The following MYO18B variants were observed in gnomAD, a reference collection of about 807,000 sequenced individuals.
MYO18B encodes myosin XVIIIB, also known as unconventional myosin-XVIIIb.
Under a neutral mutation model 273.0 loss-of-function variants are expected in MYO18B, and 204 were observed. The ratio of observed to expected loss-of-function variants is 0.75; its 90% CI spans 0.67 to 0.84. The LOEUF is 0.84. Ranked by LOEUF, MYO18B falls within the 40% of genes least tolerant of loss-of-function variation. The pLI, the probability that MYO18B is intolerant of heterozygous loss-of-function variation, is 0.00. For synonymous variants in MYO18B, 1,330 were observed against 1,305.7 expected (o/e 1.02, Z -0.40); for missense variants, 3,212 against 3,287.6 (o/e 0.98, Z 0.56).
In MYO18B at chr22:26,026,822, C is replaced by T. The variant is rs374097014; in HGVS notation, c.6848C>T (p.Thr2283Met). 1.4e-5 allele frequency: 23 copies of T among 1,592,298 alleles called. No homozygotes were observed. The highest frequency in any genetic ancestry group is 6.8e-5 in the African/African-American group (5 of 73,982). Residue 2283 changes from threonine (T) to methionine (M), a missense_variant, in exon 43 of 44, where the codon ACG becomes ATG. By Grantham distance (81) the Thr-to-Met change is moderately conservative (BLOSUM62 -1). Coordinates refer to ENST00000335473, the MANE Select transcript of MYO18B (RefSeq NM_032608.7). ...TGGCCCACTCTCCCCATTTACCAGACGACTGGGGCCTCCACACTAAGGAGG... is the reference window on the plus strand; with the variant it reads ...TGGCCCACTCTCCCCATTTACCAGATGACTGGGGCCTCCACACTAAGGAGG... ...EDWPTLPIYQ[T>M]TGASTLRRGR...
chr22:26,053,050 AC>A, the MYO18B span, among the ~76,000 whole-genome samples: 2 of 151,200 alleles, frequency 1.3e-5, no homozygotes, highest in Non-Finnish European at 3.0e-5. Context: ...CTCGTGATCC[AC>A]CCGCCTCGAA....
Position 26,026,466 on chromosome 22 carries a change from C to T in MYO18B, c.6492C>T (p.Asp2164=), listed in dbSNP as rs200512148. The T allele has an allele frequency of 1.2e-6, 2 of 1,612,682 alleles. No homozygotes were observed. Among genetic ancestry groups the T allele is most frequent in the Non-Finnish European group, 1.7e-6 (2 of 1,178,946 alleles). ...ACAGGATAAACGAAGAGGCTGGGGA[C>T]ACTGAGAGGACCCAGTCGGCATTGG... The part of the protein sequence containing the change: ...LSPRINEEAG[D]TERTQSALAL... The change falls in exon 43 of 44, where the codon GAC becomes GAT. Residue 2164 remains aspartate, a synonymous_variant. Transcript: ENST00000335473.
Position 26,027,018 on chromosome 22 carries a change from C to A in MYO18B, c.7044C>A (p.Phe2348Leu), listed in dbSNP as rs755166858. 1.2e-6 allele frequency: 2 copies of A among 1,613,874 alleles called. No individual in the cohort carries two copies. The highest frequency in any genetic ancestry group is 4.5e-5 in the East Asian group (2 of 44,884). Residue 2348 changes from phenylalanine (F) to leucine (L), a missense_variant, in exon 43 of 44, where the codon TTC becomes TTA. Transcript: ENST00000335473. This position sits in a 1 kb window ranked among gnomAD's most constrained non-coding sequence, Gnocchi z 4.1. ...TLLPEKSKTQFSSCESLLESR... is the reference protein window; with the variant it reads ...TLLPEKSKTQLSSCESLLESR... ...TCCCCGAAAAGTCGAAAACCCAATT[C>A]AGTTCCTGCGAGTCCCTCTTAGAAT...
At chr22:25,760,655 T>A (rs567496173) in intron 1 of MYO18B, among the ~76,000 whole-genome samples, 1 of 152,334 alleles carries the variant, frequency 6.6e-6, no homozygotes, top group East Asian at 1.9e-4. Context: ...ATAAATAAAA[T>A]TATAACTTTT....
In MYO18B at chr22:25,876,321, C is replaced by G. The variant is rs949998454; in HGVS notation, c.4213C>G (p.Arg1405Gly). The stretch of plus-strand genomic sequence containing the variant: ...TGCCACCATTGGAACTGAGCAGCTC[C>G]GAGCCAAGGAGGTCAGTCTATGTGG... ...LSATIGTEQL[R>G]AKEEELTTLR... Residue 1405 changes from arginine to glycine, a missense_variant, in exon 24 of 44, where the codon CGA becomes GGA. Coordinates refer to ENST00000335473, the MANE Select transcript of MYO18B (RefSeq NM_032608.7). 3 of 1,610,840 alleles carry G rather than the reference C, an allele frequency of 1.9e-6. No homozygotes were observed. Among genetic ancestry groups the G allele is most frequent in the African/African-American group, 2.7e-5 (2 of 74,824 alleles).
At chr22:25,788,595 C>T (rs951390456) in intron 11 of MYO18B, among the ~76,000 whole-genome samples, 1 of 152,128 alleles carries the variant, frequency 6.6e-6, no homozygotes, top group Non-Finnish European at 1.5e-5. Flanking sequence ...TTGTGGGGGA[C>T]ATATTTATGA....
In MYO18B at chr22:25,822,879, A is replaced by G. The variant is rs148413868; in HGVS notation, c.2522-626A>G. The stretch of plus-strand genomic sequence containing the variant: ...ATAGAAAGTTTTGCAATGCTTTCCC[A>G]TACAATGTGTGGAATTTACAGATAA... On this transcript the variant is annotated intron_variant, in intron 12 of 43. Coordinates refer to ENST00000335473, the MANE Select transcript of MYO18B (RefSeq NM_032608.7). Among the ~76,000 whole-genome samples, 40 of 152,380 alleles carry G rather than the reference A, an allele frequency of 2.6e-4. No homozygotes were observed. In the East Asian group the frequency reaches 7.5e-3, roughly 29 times the overall value.
the MYO18B span, among the ~76,000 whole-genome samples, chr22:26,048,680 G>T: frequency 6.6e-6 from 1 of 151,932 alleles, no homozygotes; most frequent in Non-Finnish European, 1.5e-5. Flanking sequence ...GTATTTGCTT[G>T]TTATCTCCTC....
chr22:25,777,434 A>G, intron 7 of MYO18B, 149 bp from the exon 8 acceptor site: 2 of 720,382 alleles, frequency 2.8e-6, no homozygotes, highest in South Asian at 2.4e-5. Context: ...GGCTCCTCCT[A>G]GTCGAGTAGG....
rs556346078 is a variant in MYO18B, at chr22:25,764,473, C to G, written c.198+1084C>G. 1.4e-4 allele frequency among the ~76,000 whole-genome samples: 21 copies of G among 152,332 alleles called. No individual in the cohort carries two copies. The East Asian group carries it at 3.7e-3, about 27-fold the overall frequency. On this transcript the variant is annotated intron_variant, in intron 3 of 43. Coordinates refer to ENST00000335473, the MANE Select transcript of MYO18B (RefSeq NM_032608.7). ...CTGAGAGGTCTGGTGGCCTCAGGGC[C>G]TGGTGCTGGCTTGAGCCCAGTGACC... is the stretch of plus-strand genomic sequence containing the variant.
At chr22:25,803,519 T>C (rs4822659) in intron 12 of MYO18B, among the ~76,000 whole-genome samples, 150,802 of 152,168 alleles carry the variant, frequency 0.99, 74,729 homozygotes, top group East Asian at 1. Flanking sequence ...GCCCATTTTG[T>C]AAAGGAGAGC....
At chr22:25,805,172 G>T (rs1319347087) in intron 12 of MYO18B, among the ~76,000 whole-genome samples, 2 of 152,152 alleles carry the variant, frequency 1.3e-5, no homozygotes. Context: ...GCCCCACGTT[G>T]TGATTTAGCA....
At chr22:25,750,142 A>G (rs1431505495) in intron 1 of MYO18B, among the ~76,000 whole-genome samples, 2 of 152,162 alleles carry the variant, frequency 1.3e-5, no homozygotes, top group Admixed American at 6.5e-5. Flanking sequence ...TGAAGCTGTT[A>G]CTTTTCTGGG....
intron 17 of MYO18B, among the ~76,000 whole-genome samples, chr22:25,838,557 C>T (rs973461561): frequency 9.2e-5 from 14 of 152,118 alleles, no homozygotes; most frequent in Non-Finnish European, 2.1e-4. Context: ...GATGATAATA[C>T]CGTATTTTTA....
chr22:25,916,978 G>A (rs2092270491), intron 33 of MYO18B, among the ~76,000 whole-genome samples: 1 of 152,170 alleles, frequency 6.6e-6, no homozygotes, highest in Non-Finnish European at 1.5e-5. Context: ...GTTGTAGTGA[G>A]CCGAGATTGC....
At chr22:25,802,463 T>C (rs572725452) in intron 12 of MYO18B, among the ~76,000 whole-genome samples, 1 of 152,062 alleles carries the variant, frequency 6.6e-6, no homozygotes, top group South Asian at 2.1e-4. Context: ...AGAAATCCTA[T>C]AGCTGGGCCA....
At chr22:25,982,456 A>C (rs111387198) in intron 39 of MYO18B, among the ~76,000 whole-genome samples, 1,657 of 152,330 alleles carry the variant, frequency 0.011, 45 homozygotes, top group African/African-American at 0.038. Flanking sequence ...CAGTATCTTA[A>C]AACAACACAG....
chr22:25,917,138 C>A (rs986596177), intron 33 of MYO18B, among the ~76,000 whole-genome samples: 2 of 152,118 alleles, frequency 1.3e-5, no homozygotes, highest in African/African-American at 4.8e-5. Context: ...ATGAATCAAC[C>A]TTGTTAAATT....
chr22:25,890,821 G>A lies in MYO18B; in HGVS notation c.4380G>A (p.Leu1460=). The A allele has an allele frequency of 6.2e-7, 1 of 1,614,002 alleles. No individual in the cohort carries two copies. The change falls in exon 26 of 44, where the codon CTG becomes CTA. Residue 1460 remains leucine, a synonymous_variant. Transcript: ENST00000335473. ...AAGGTGATGTGGCCTGCCAGGTGCT[G>A]GAGAGTGAGCGGGCAGAGCGGCTAC... The part of the protein sequence containing the change: ...RFKGDVACQV[L]ESERAERLQA...
Sources: allele counts gnomAD v4.1 joint callset (sites outside exome capture counted in the v4.1 genomes callset), GRCh38; gene constraint gnomAD v4.1.1; non-coding constraint Gnocchi (gnomAD v3.1); transcripts MANE v1.5; gene names NCBI Gene and HGNC (gene_info 2026-07-23, HGNC 2026-07-21).